The following ACTN1 variants were observed in gnomAD, a reference collection of about 807,000 sequenced individuals.
The protein encoded by ACTN1 is actinin alpha 1.
ACTN1 carries 30 observed loss-of-function variants against 119.6 expected under a neutral mutation model. The ratio of observed to expected loss-of-function variants is 0.25; its 90% CI spans 0.19 to 0.34. ACTN1 has a LOEUF of 0.34. ACTN1 is among the 10% of genes least tolerant of loss of function. The probability of loss-of-function intolerance (pLI) is 1.00; values close to 1 mark genes in which losing one functional copy is unlikely to be tolerated. For synonymous variants in ACTN1, 429 were observed against 472.6 expected (o/e 0.91, Z 1.20); for missense variants, 764 against 1,223.4 (o/e 0.62, Z 5.60).
At chr14:68,963,493 G>A (rs971432479) in intron 1 of ACTN1, among the ~76,000 whole-genome samples, 6 of 152,216 alleles carry the variant, frequency 3.9e-5, no homozygotes, top group African/African-American at 1.4e-4. Flanking sequence ...CATGAGTTGA[G>A]TAGATGAACT....
At chr14:68,970,424 G>A (rs35399713) in intron 1 of ACTN1, among the ~76,000 whole-genome samples, 40,375 of 152,068 alleles carry the variant, frequency 0.27, 6,798 homozygotes, top group East Asian at 0.88. Context: ...CAAACGTTAC[G>A]GGTTTCACGT....
At chr14:68,921,163 G>T (rs773680665) in intron 2 of ACTN1, 38 bp from the exon 3 acceptor site, 198 of 1,610,072 alleles carry the variant, frequency 1.2e-4, no homozygotes, top group Non-Finnish European at 4.8e-5. Flanking sequence ...AAGGTGAGAC[G>T]CTATGAGCCA....
chr14:68,884,726 C>T, intron 13 of ACTN1, 49 bp downstream of exon 13: 2 of 1,496,936 alleles, frequency 1.3e-6, no homozygotes, highest in Non-Finnish European at 1.9e-6. Flanking sequence ...GGAAGGGGCA[C>T]CACAGGGCTG....
At chr14:68,886,047 G>T (rs17835769) in intron 11 of ACTN1, 3,009 of 154,978 alleles carry the variant, frequency 0.019, 43 homozygotes, top group South Asian at 0.044. Context: ...CCCGACAGTG[G>T]CTAGCGCCTT....
intron 1 of ACTN1, among the ~76,000 whole-genome samples, chr14:68,960,640 G>C (rs2036500920): frequency 6.6e-6 from 1 of 151,962 alleles, no homozygotes; most frequent in South Asian, 2.1e-4. Context: ...CCCAGGCACA[G>C]TGGCTCCTAC....
chr14:68,877,423 G>C (rs2031031180), intron 20 of ACTN1, 183 bp from the exon 21 acceptor site: 1 of 632,986 alleles, frequency 1.6e-6, no homozygotes. Context: ...GGGAGACCCA[G>C]CTCAGGGTTC....
chr14:68,892,006 G>T, intron 10 of ACTN1, 47 bp downstream of exon 10: 1 of 1,602,806 alleles, frequency 6.2e-7, no homozygotes, highest in South Asian at 1.1e-5. Flanking sequence ...CAGCTCAGAG[G>T]TGGAGGCAGT....
intron 1 of ACTN1, among the ~76,000 whole-genome samples, chr14:68,969,625 G>A (rs981831349): frequency 2.0e-5 from 3 of 152,148 alleles, no homozygotes; most frequent in Non-Finnish European, 4.4e-5. Flanking sequence ...TGACAGACAG[G>A]CACCCCTGCT....
chr14:68,952,679 A>G (rs575137016), intron 1 of ACTN1, among the ~76,000 whole-genome samples: 4 of 151,692 alleles, frequency 2.6e-5, no homozygotes, highest in Admixed American at 1.3e-4. Flanking sequence ...CAGATGCGGT[A>G]GGGACTTTCC....
chr14:68,895,239 G>GT (rs2032786486), intron 8 of ACTN1, among the ~76,000 whole-genome samples: 1 of 152,098 alleles, frequency 6.6e-6, no homozygotes, highest in Non-Finnish European at 1.5e-5. Flanking sequence ...GAGACAGGGA[G>GT]TCACATCCTT....
In ACTN1 at chr14:68,880,189, C is replaced by A. The variant is rs1386214632; in HGVS notation, c.2134-81G>T. The A allele has an allele frequency of 7.2e-6, 11 of 1,536,374 alleles. No individual in the cohort carries two copies. Among genetic ancestry groups the A allele is most frequent in the East Asian group, 4.5e-5 (2 of 44,098 alleles). On this transcript the variant is annotated intron_variant, in intron 17 of 21. Transcript: ENST00000394419. The surrounding 1 kb of genome is among the most constrained non-coding windows in gnomAD (Gnocchi z 4.6). Reference sequence around the variant, plus strand: ...GGCCCCTGCCCATCCTACTCCCCAACCATCAAAATGGCCAAAGCCATCAAA... The same window carrying A: ...GGCCCCTGCCCATCCTACTCCCCAAACATCAAAATGGCCAAAGCCATCAAA...
intron 8 of ACTN1, among the ~76,000 whole-genome samples, chr14:68,894,808 C>G (rs1196054762): frequency 6.6e-6 from 1 of 152,138 alleles, no homozygotes. Flanking sequence ...GGTTGAAAGA[C>G]AGGACCTCAC....
intron 1 of ACTN1, among the ~76,000 whole-genome samples, chr14:68,964,567 C>T (rs1157708421): frequency 1.3e-5 from 2 of 152,182 alleles, no homozygotes; most frequent in Admixed American, 1.3e-4. Flanking sequence ...CAGGGGTTAG[C>T]AGTGTGGACT....
rs1053021767 is a variant in ACTN1 at position 68,882,711 on chromosome 14, G to A, written c.1819-119C>T. 10 of 1,517,158 alleles carry A rather than the reference G, an allele frequency of 6.6e-6. No homozygotes were observed. Among genetic ancestry groups the A allele is most frequent in the African/African-American group, 1.4e-5 (1 of 73,130 alleles). 94.0% of individuals were successfully genotyped at this position (1,517,158 alleles called of 1,614,324 possible). A position where few individuals can be genotyped will look rare whatever the true frequency, so the allele number is the denominator to read the frequency against. ...GGTCAGTAACAGAACAGGAGTAAAG[G>A]TGTCAACCTGTTCTGGAAACCCAGT... On this transcript the variant is annotated intron_variant, in intron 15 of 21. Coordinates refer to ENST00000394419, the MANE Select transcript of ACTN1 (RefSeq NM_001130004.2). The surrounding 1 kb of genome is among the most constrained non-coding windows in gnomAD (Gnocchi z 4.5).
rs1566588193 is a variant in ACTN1, at chr14:68,878,906, CAG to C, written c.2361+81_2361+82del. The C allele has an allele frequency of 6.2e-7, 1 of 1,604,776 alleles. No individual in the cohort carries two copies. The highest frequency in any genetic ancestry group is 8.5e-7 in the Non-Finnish European group (1 of 1,178,878). Reference sequence around the variant, plus strand: ...ACAGGAGGGGGACAGGAGATCCAGACAGAGAGAAGAGAAAAAGGAAAAACGCA... The same window carrying C: ...ACAGGAGGGGGACAGGAGATCCAGACAGAGAAGAGAAAAAGGAAAAACGCA... On this transcript the variant is annotated intron_variant, in intron 19 of 21. Coordinates refer to ENST00000394419, the MANE Select transcript of ACTN1 (RefSeq NM_001130004.2). The surrounding 1 kb of genome is among the most constrained non-coding windows in gnomAD (Gnocchi z 4.4).
chr14:68,922,220 C>G (rs981963604), intron 2 of ACTN1, among the ~76,000 whole-genome samples: 8 of 152,218 alleles, frequency 5.3e-5, no homozygotes, highest in African/African-American at 1.9e-4. Flanking sequence ...GCTGCGAGGA[C>G]TCCAGGGACC....
At chr14:68,947,207 G>A (rs1049648669) in intron 1 of ACTN1, among the ~76,000 whole-genome samples, 12 of 152,238 alleles carry the variant, frequency 7.9e-5, no homozygotes, top group Non-Finnish European at 1.5e-5. Flanking sequence ...AGTACTCCAT[G>A]TGAATCCTAT....
chr14:68,917,317 A>T (rs1485819464), intron 3 of ACTN1, among the ~76,000 whole-genome samples: 2 of 152,180 alleles, frequency 1.3e-5, no homozygotes, highest in Admixed American at 1.3e-4. Context: ...AGGCTCCCAG[A>T]GTCCACCTAC....
chr14:68,959,515 A>G (rs1180249079), intron 1 of ACTN1, among the ~76,000 whole-genome samples: 3 of 152,210 alleles, frequency 2.0e-5, no homozygotes, highest in Non-Finnish European at 4.4e-5. Flanking sequence ...GATACTTCCA[A>G]GTTCTCTTTT....
Sources: allele counts gnomAD v4.1 joint callset (sites outside exome capture counted in the v4.1 genomes callset), GRCh38; gene constraint gnomAD v4.1.1; non-coding constraint Gnocchi (gnomAD v3.1); transcripts MANE v1.5; gene names NCBI Gene and HGNC (gene_info 2026-07-23, HGNC 2026-07-21).